Variants in GLIS3 observed in about 807,000 individuals in gnomAD.
The protein encoded by GLIS3 is GLIS family zinc finger 3.
GLIS3 carries 53 observed loss-of-function variants against 78.6 expected under a neutral mutation model. That is an observed-to-expected ratio of 0.67 (90% CI 0.54 to 0.85). The LOEUF is 0.85. GLIS3 is among the 40% of genes least tolerant of loss of function. The pLI, the probability that GLIS3 is intolerant of heterozygous loss-of-function variation, is 0.00. For missense variants in GLIS3, 1,703 were observed against 1,231.1 expected (o/e 1.38, Z -5.74); for synonymous variants, 684 against 509.9 (o/e 1.34, Z -4.60).
At chr9:4,158,228 T>C (rs1835186939) in intron 2 of GLIS3, among the ~76,000 whole-genome samples, 2 of 152,220 alleles carry the variant, frequency 1.3e-5, no homozygotes, top group African/African-American at 4.8e-5. Context: ...ACATCAATTC[T>C]GAGTTTCTCT....
At chr9:4,327,122 G>A (rs896424735) in intron 2 of GLIS3, among the ~76,000 whole-genome samples, 1 of 152,198 alleles carries the variant, frequency 6.6e-6, no homozygotes, top group African/African-American at 2.4e-5. Flanking sequence ...GGAGCTGAGA[G>A]AAAGATTGAT....
chr9:4,363,918 A>G, the GLIS3 span, among the ~76,000 whole-genome samples: 1 of 152,342 alleles, frequency 6.6e-6, no homozygotes, highest in Non-Finnish European at 1.5e-5. Flanking sequence ...GTTTCCAGTT[A>G]TGAGGAAGCA....
At position 4,028,637 on chromosome 9, in the gene GLIS3, C is replaced by T. The variant is rs1212515182; in HGVS notation, c.1710+89131G>A. Among the ~76,000 whole-genome samples, 23 of 152,158 alleles carry T rather than the reference C, an allele frequency of 1.5e-4. 1 individual carries two copies. Among genetic ancestry groups the T allele is most frequent in the Admixed American group, 1.5e-3 (23 of 15,262 alleles). The stretch of plus-strand genomic sequence containing the variant: ...TTCCAGGAGCCCCTTGTGCCCAATT[C>T]CAGCCATTTTTCCCCAATGCTAATT... On this transcript the variant is annotated intron_variant, in intron 4 of 10. Coordinates refer to ENST00000381971, the MANE Select transcript of GLIS3 (RefSeq NM_001042413.2).
intron 4 of GLIS3, among the ~76,000 whole-genome samples, chr9:4,072,059 C>G (rs1202896139): frequency 1.3e-5 from 2 of 152,180 alleles, no homozygotes; most frequent in African/African-American, 4.8e-5. Flanking sequence ...TTCCTGTTGT[C>G]TCAGCCACTA....
chr9:4,336,493 G>A (rs546393368), intron 2 of GLIS3, among the ~76,000 whole-genome samples: 1 of 71,124 alleles, frequency 1.4e-5, no homozygotes, highest in Non-Finnish European at 2.9e-5. Context: ...ACTGATACAT[G>A]TGTCGGGGTG....
At chr9:4,116,109 T>C (rs550868512) in intron 4 of GLIS3, among the ~76,000 whole-genome samples, 20 of 152,350 alleles carry the variant, frequency 1.3e-4, no homozygotes, top group Middle Eastern at 3.4e-3. Context: ...GGAAATCCTA[T>C]TGCACAAAAA....
At chr9:4,360,091 C>A in the GLIS3 span, among the ~76,000 whole-genome samples, 6 of 151,642 alleles carry the variant, frequency 4.0e-5, no homozygotes, top group Non-Finnish European at 7.4e-5. Flanking sequence ...ATGAAGTCAT[C>A]ATTTCCCTTT....
chr9:4,332,038 T>A (rs1817695662), intron 2 of GLIS3, among the ~76,000 whole-genome samples: 1 of 152,198 alleles, frequency 6.6e-6, no homozygotes, highest in South Asian at 2.1e-4. Flanking sequence ...TATCCCTAAA[T>A]CTTCTCTCTT....
At chr9:4,009,988 T>C (rs1290657720) in intron 4 of GLIS3, among the ~76,000 whole-genome samples, 3 of 152,204 alleles carry the variant, frequency 2.0e-5, no homozygotes, top group Non-Finnish European at 2.9e-5. Flanking sequence ...ATGGGGTCTC[T>C]ACGTCAGCAC....
chr9:4,201,145 T>C (rs1178141140), intron 2 of GLIS3, among the ~76,000 whole-genome samples: 1 of 152,058 alleles, frequency 6.6e-6, no homozygotes, highest in Non-Finnish European at 1.5e-5. Context: ...GCCTTCATGA[T>C]AAAAAACCTC....
At chr9:4,144,181 C>A (rs1834029295) in intron 2 of GLIS3, among the ~76,000 whole-genome samples, 1 of 152,066 alleles carries the variant, frequency 6.6e-6, no homozygotes, top group African/African-American at 2.4e-5. Context: ...CACCACAGCG[C>A]AAGGAATGCT....
At chr9:4,003,402 AGG>A (rs1285419015) in intron 4 of GLIS3, among the ~76,000 whole-genome samples, 7 of 152,192 alleles carry the variant, frequency 4.6e-5, no homozygotes, top group Non-Finnish European at 1.0e-4. Context: ...GAGAGAAGGA[AGG>A]AAGGAATTTA....
intron 2 of GLIS3, among the ~76,000 whole-genome samples, chr9:4,139,315 C>T (rs1428026065): frequency 1.3e-5 from 2 of 152,138 alleles, no homozygotes; most frequent in African/African-American, 4.8e-5. Context: ...CAAGTGCTCA[C>T]CAAATATCTG....
intron 8 of GLIS3, chr9:3,878,509 A>G (rs1588139417): frequency 6.6e-6 from 1 of 152,324 alleles, no homozygotes; most frequent in East Asian, 1.9e-4. Context: ...CAGGCCAACA[A>G]TGATGGAACC....
intron 4 of GLIS3, among the ~76,000 whole-genome samples, chr9:4,064,033 A>G (rs1826879155): frequency 1.3e-5 from 2 of 152,222 alleles, no homozygotes; most frequent in Admixed American, 1.3e-4. Flanking sequence ...TGAAATGTAG[A>G]AGCTCAATAG....
upstream of GLIS3, among the ~76,000 whole-genome samples, chr9:4,303,572 A>G (rs796542461): frequency 4.6e-5 from 7 of 152,318 alleles, no homozygotes; most frequent in African/African-American, 1.7e-4. Context: ...TCTTATTTAC[A>G]CATATCGCAT....
chr9:4,466,469 G>T, the GLIS3 span, among the ~76,000 whole-genome samples: 105 of 152,256 alleles, frequency 6.9e-4, no homozygotes, highest in African/African-American at 2.4e-3. Flanking sequence ...AATCCAAAAC[G>T]AGACAAAGGC....
chr9:3,884,422 A>G (rs571708896), intron 7 of GLIS3, among the ~76,000 whole-genome samples: 1 of 152,292 alleles, frequency 6.6e-6, no homozygotes, highest in African/African-American at 2.4e-5. Context: ...AACAGCCAAT[A>G]TGCATTCTTG....
chr9:3,944,390 A>C (rs1269971819), intron 4 of GLIS3, among the ~76,000 whole-genome samples: 1 of 152,238 alleles, frequency 6.6e-6, no homozygotes, highest in African/African-American at 2.4e-5. Flanking sequence ...TGCAACATTG[A>C]TATTTAAGAC....
Sources: gnomAD v4.1 joint callset for allele counts (sites outside exome capture counted in the v4.1 genomes callset) on GRCh38, gnomAD v4.1.1 for gene constraint, MANE v1.5 for transcripts, NCBI Gene and HGNC (gene_info 2026-07-23, HGNC 2026-07-21) for gene names.